NAPB: variants seen among roughly 807,000 people sequenced by gnomAD.
NAPB encodes NSF attachment protein beta.
Under a neutral mutation model 44.7 loss-of-function variants are expected in NAPB, and 26 were observed. That is an observed-to-expected ratio of 0.58 (90% confidence interval 0.43 to 0.81). NAPB has a LOEUF of 0.81. NAPB is among the 30% of genes least tolerant of loss of function. NAPB has a pLI of 0.00. For synonymous variants in NAPB, 120 were observed against 116.8 expected (o/e 1.03, Z -0.18); for missense variants, 315 against 356.4 (o/e 0.88, Z 0.94).
intron 9 of NAPB, 50 bp from the exon 10 acceptor site, chr20:23,379,545 A>T: frequency 1.5e-6 from 2 of 1,336,532 alleles, no homozygotes; most frequent in Non-Finnish European, 2.1e-6. Flanking sequence ...ATGAAGTCCC[A>T]TTTCTAAATA....
intron 1 of NAPB, among the ~76,000 whole-genome samples, chr20:23,418,383 A>G (rs1338385586): frequency 6.6e-6 from 1 of 152,206 alleles, no homozygotes; most frequent in Non-Finnish European, 1.5e-5. Flanking sequence ...AAAGGTGATG[A>G]TACATGCCAT....
intron 1 of NAPB, among the ~76,000 whole-genome samples, chr20:23,407,627 A>G (rs1985344430): frequency 6.6e-6 from 1 of 152,136 alleles, no homozygotes; most frequent in Non-Finnish European, 1.5e-5. Context: ...TTCAGGAAAT[A>G]TTTACTGAGA....
At position 23,389,988 on chromosome 20, in the gene NAPB, G is replaced by A; in HGVS notation, c.519C>T (p.Ala173=). 2.5e-6 allele frequency: 4 copies of A among 1,613,916 alleles called. No individual in the cohort carries two copies. Among genetic ancestry groups the A allele is most frequent in the Non-Finnish European group, 3.4e-6 (4 of 1,179,970 alleles). Residue 173 remains alanine (A), a synonymous_variant, in exon 7 of 11, where the codon GCC becomes GCT. Coordinates refer to ENST00000377026, the MANE Select transcript of NAPB (RefSeq NM_022080.3). The part of the protein sequence containing the change: ...KCLLKVAAYA[A]QLEQYQKAIE... ...TGGCTTTCTGGTACTGCTCAAGCTGGGCAGCATATGCTGCCACCTTCAGCA... is the reference window on the plus strand; with the variant it reads ...TGGCTTTCTGGTACTGCTCAAGCTGAGCAGCATATGCTGCCACCTTCAGCA...
chr20:23,412,633 A>G (rs947917634), intron 1 of NAPB, among the ~76,000 whole-genome samples: 2 of 152,216 alleles, frequency 1.3e-5, no homozygotes, highest in African/African-American at 4.8e-5. Flanking sequence ...AACAGAAAAT[A>G]CAGACATGAA....
At chr20:23,393,619 G>A (rs148208655) in intron 5 of NAPB, among the ~76,000 whole-genome samples, 1 of 152,172 alleles carries the variant, frequency 6.6e-6, no homozygotes. Flanking sequence ...GGCGGAGGGA[G>A]AGAGACAACC....
chr20:23,379,668 G>A, intron 9 of NAPB, 173 bp from the exon 10 acceptor site: 1 of 661,368 alleles, frequency 1.5e-6, no homozygotes, highest in Admixed American at 3.1e-5. Flanking sequence ...ACATTTCTCA[G>A]GTGCCTATTT....
chr20:23,410,102 G>T (rs76485536), intron 1 of NAPB, among the ~76,000 whole-genome samples: 3,116 of 152,264 alleles, frequency 0.02, 112 homozygotes, highest in African/African-American at 0.071. Flanking sequence ...CTTAGAAGGT[G>T]GGGGCAGCTC....
chr20:23,397,268 A>T, intron 2 of NAPB, 80 bp from the exon 3 acceptor site: 1 of 1,455,062 alleles, frequency 6.9e-7, no homozygotes, highest in Non-Finnish European at 9.2e-7. Flanking sequence ...GGACCTCCCT[A>T]GAAAAATTAT....
At chr20:23,405,201 G>A (rs1016720996) in intron 1 of NAPB, among the ~76,000 whole-genome samples, 4 of 150,874 alleles carry the variant, frequency 2.7e-5, no homozygotes, top group Non-Finnish European at 4.4e-5. Flanking sequence ...GCTACTTGAG[G>A]GACTGAGGTT....
chr20:23,409,572 T>TA (rs1356626099), intron 1 of NAPB, among the ~76,000 whole-genome samples: 1 of 152,218 alleles, frequency 6.6e-6, no homozygotes, highest in Non-Finnish European at 1.5e-5. Context: ...GACTGTTACA[T>TA]ACAACCTGAT....
chr20:23,399,494 A>AG (rs1219422137), intron 2 of NAPB, among the ~76,000 whole-genome samples: 1 of 152,236 alleles, frequency 6.6e-6, no homozygotes, highest in Non-Finnish European at 1.5e-5. Flanking sequence ...TAAACGACCC[A>AG]GCCTCCAGAA....
chr20:23,412,700 A>T (rs1211054310), intron 1 of NAPB, among the ~76,000 whole-genome samples: 1 of 152,230 alleles, frequency 6.6e-6, no homozygotes, highest in East Asian at 1.9e-4. Flanking sequence ...AAAATTTGAT[A>T]AGAAAATATC....
chr20:23,411,762 A>G (rs1568621511), intron 1 of NAPB, among the ~76,000 whole-genome samples: 1 of 152,212 alleles, frequency 6.6e-6, no homozygotes, highest in Non-Finnish European at 1.5e-5. Context: ...GGAGCTAAGG[A>G]TATTTAAAAA....
intron 1 of NAPB, among the ~76,000 whole-genome samples, chr20:23,419,502 C>CTTTT (rs1600609667): frequency 2.0e-5 from 3 of 152,306 alleles, no homozygotes. Context: ...TGCTGTCAAG[C>CTTTT]TTTTTCCTCT....
Position 23,383,134 on chromosome 20 carries a change from G to A in NAPB, c.562-1817C>T, listed in dbSNP as rs1165025438. Among the ~76,000 whole-genome samples the A allele has an allele frequency of 2.9e-5, 4 of 140,060 alleles. No homozygotes were observed. The Admixed American group carries it at 3.0e-4, about 10-fold the overall frequency. The allele number at this position is 140,060 out of a possible 152,430, so 91.9% of individuals were successfully genotyped here. Reference sequence around the variant, plus strand: ...TGCGCCATTAAACTGGCACGCCTGGGCGACAGAGCAAGACTCGGTCTCAAA... The same window carrying A: ...TGCGCCATTAAACTGGCACGCCTGGACGACAGAGCAAGACTCGGTCTCAAA... On this transcript the variant is annotated intron_variant, in intron 7 of 10. Coordinates refer to ENST00000377026, the MANE Select transcript of NAPB (RefSeq NM_022080.3).
At chr20:23,421,134 G>A (rs1470221666) in intron 1 of NAPB, among the ~76,000 whole-genome samples, 171 bp downstream of exon 1, 1 of 151,622 alleles carries the variant, frequency 6.6e-6, no homozygotes, top group Admixed American at 6.6e-5. Context: ...GGCTCCAGGG[G>A]GCGCTGGGGG....
chr20:23,418,573 T>C (rs1986162432), intron 1 of NAPB, among the ~76,000 whole-genome samples: 1 of 152,150 alleles, frequency 6.6e-6, no homozygotes, highest in African/African-American at 2.4e-5. Context: ...GAAATAACAG[T>C]CTTCAAAGTA....
chr20:23,403,550 C>T (rs1985009611), intron 1 of NAPB, among the ~76,000 whole-genome samples: 1 of 142,624 alleles, frequency 7.0e-6, no homozygotes. Flanking sequence ...TTGTAGTGAG[C>T]TGAGATCGTG....
Position 23,389,999 on chromosome 20 carries a change from C to T in NAPB, c.508G>A (p.Ala170Thr). 1 of 1,614,138 alleles carries T rather than the reference C, an allele frequency of 6.2e-7. No individual in the cohort carries two copies. The highest frequency in any genetic ancestry group is 8.5e-7 in the Non-Finnish European group (1 of 1,179,996). ...SANKCLLKVA[A>T]YAAQLEQYQK... Reference sequence around the variant, plus strand: ...TACTGCTCAAGCTGGGCAGCATATGCTGCCACCTTCAGCAGACACTTGTTT... The same window carrying T: ...TACTGCTCAAGCTGGGCAGCATATGTTGCCACCTTCAGCAGACACTTGTTT... Residue 170 changes from alanine to threonine, a missense_variant, in exon 7 of 11, where the codon GCA becomes ACA. Ala to Thr is a moderately conservative substitution (Grantham distance 58). This residue lies in a region of NAPB where 16 missense variants were observed against 43.4 expected (regional missense o/e 0.37). Transcript: ENST00000377026.
Sources: gnomAD v4.1 joint callset for allele counts (sites outside exome capture counted in the v4.1 genomes callset) on GRCh38, gnomAD v4.1.1 for gene constraint, gnomAD v4.1.1 regional missense constraint, MANE v1.5 for transcripts, NCBI Gene and HGNC (gene_info 2026-07-23, HGNC 2026-07-21) for gene names.